FMNL2: variants seen among roughly 807,000 people sequenced by gnomAD.
The protein encoded by FMNL2 is formin like 2, also known as formin-like protein 2.
FMNL2 carries 51 observed loss-of-function variants against 130.2 expected under a neutral mutation model. The ratio of observed to expected loss-of-function variants is 0.39; its 90% CI spans 0.31 to 0.49. The LOEUF is 0.49. FMNL2 is among the 20% of genes least tolerant of loss of function. FMNL2 has a pLI of 0.85. For synonymous variants in FMNL2, 465 were observed against 467.1 expected, an observed-to-expected ratio of 1.00 and a Z score of 0.06; for missense variants, 977 against 1,316.2, an observed-to-expected ratio of 0.74 and a Z score of 3.99.
intron 4 of FMNL2, among the ~76,000 whole-genome samples, chr2:152,558,020 A>G (rs887571281): frequency 6.6e-6 from 1 of 152,202 alleles, no homozygotes; most frequent in African/African-American, 2.4e-5. Context: ...CATCAGGATT[A>G]TTATGAAGAA....
chr2:152,533,313 G>A (rs1693810645), intron 2 of FMNL2, among the ~76,000 whole-genome samples: 1 of 152,084 alleles, frequency 6.6e-6, no homozygotes, highest in African/African-American at 2.4e-5. Flanking sequence ...ATCCATCCAT[G>A]TATGCTTCTG....
chr2:152,492,951 C>T (rs186581423), intron 1 of FMNL2, among the ~76,000 whole-genome samples: 11 of 152,136 alleles, frequency 7.2e-5, no homozygotes, highest in Non-Finnish European at 1.3e-4. Flanking sequence ...TCATGGAAAC[C>T]GTCAACAAGG....
intron 2 of FMNL2, among the ~76,000 whole-genome samples, chr2:152,538,923 A>C (rs1218837279): frequency 6.6e-6 from 1 of 152,228 alleles, no homozygotes; most frequent in East Asian, 1.9e-4. Context: ...GAAGGACTTC[A>C]GATGGATTAT....
At chr2:152,642,420 G>C (rs999948095) in intron 25 of FMNL2, among the ~76,000 whole-genome samples, 2 of 152,228 alleles carry the variant, frequency 1.3e-5, no homozygotes, top group African/African-American at 4.8e-5. Context: ...GATTAAAGCA[G>C]TGTAGGTCTT....
intron 1 of FMNL2, among the ~76,000 whole-genome samples, chr2:152,359,664 A>T (rs1169842530): frequency 2.6e-5 from 4 of 152,080 alleles, no homozygotes; most frequent in Non-Finnish European, 4.4e-5. Context: ...GGTGGGAGAG[A>T]TTCTTAGTAT....
chr2:152,441,373 T>C (rs1048300755), intron 1 of FMNL2, among the ~76,000 whole-genome samples: 8 of 152,156 alleles, frequency 5.3e-5, no homozygotes, highest in Non-Finnish European at 1.0e-4. Context: ...GAACCAATTT[T>C]AGTAAAAAGG....
intron 1 of FMNL2, among the ~76,000 whole-genome samples, chr2:152,338,224 T>G (rs1029990863): frequency 4.6e-5 from 7 of 152,182 alleles, no homozygotes; most frequent in Non-Finnish European, 1.0e-4. Flanking sequence ...CTTTCTTGTA[T>G]AATAAAGATC....
In FMNL2 at chr2:152,622,051, A is replaced by C. The variant is rs116314656; in HGVS notation, c.1837+2333A>C. ...TGTATTTTATAGAGAAAATAGTAGT[A>C]GTGTGAAATATGCATTTGAAGAAGA... On this transcript the variant is annotated intron_variant, in intron 15 of 25. Transcript: ENST00000288670. Among the ~76,000 whole-genome samples, 295 of 152,304 alleles carry C rather than the reference A, an allele frequency of 1.9e-3. 1 individual carries two copies. The highest frequency in any genetic ancestry group is 6.6e-3 in the African/African-American group (275 of 41,558).
intron 4 of FMNL2, among the ~76,000 whole-genome samples, chr2:152,553,829 G>T (rs971920686): frequency 6.6e-6 from 1 of 151,992 alleles, no homozygotes; most frequent in Non-Finnish European, 1.5e-5. Flanking sequence ...GACAAAGGCT[G>T]CATTGGTTTA....
chr2:152,434,107 G>C (rs560110107), intron 1 of FMNL2, among the ~76,000 whole-genome samples: 1 of 152,288 alleles, frequency 6.6e-6, no homozygotes, highest in East Asian at 1.9e-4. Context: ...TTATTCCATT[G>C]AATTTTTTTA....
At chr2:152,614,367 C>T (rs1698834534) in intron 11 of FMNL2, among the ~76,000 whole-genome samples, 1 of 152,330 alleles carries the variant, frequency 6.6e-6, no homozygotes. Context: ...GATGATACTG[C>T]TTAGGCAGTC....
chr2:152,602,354 A>G (rs544956860), intron 9 of FMNL2, among the ~76,000 whole-genome samples: 2 of 152,312 alleles, frequency 1.3e-5, no homozygotes, highest in Admixed American at 6.5e-5. Context: ...AGTAGGGTAC[A>G]TACTTTTCCA....
intron 9 of FMNL2, among the ~76,000 whole-genome samples, chr2:152,596,258 C>T (rs933275257): frequency 3.9e-5 from 6 of 152,026 alleles, no homozygotes; most frequent in East Asian, 1.9e-4. Flanking sequence ...CCACTGAGCC[C>T]GGCTGTCTTT....
chr2:152,381,413 C>A (rs761176059), intron 1 of FMNL2, among the ~76,000 whole-genome samples: 6 of 152,176 alleles, frequency 3.9e-5, no homozygotes, highest in Non-Finnish European at 5.9e-5. Context: ...AAAGCCAGAT[C>A]TCCAGGGATG....
intron 20 of FMNL2, among the ~76,000 whole-genome samples, chr2:152,630,438 C>T (rs1682082641): frequency 6.6e-6 from 1 of 152,016 alleles, no homozygotes; most frequent in Non-Finnish European, 1.5e-5. Context: ...TTTGTAAGTA[C>T]TTTTCTATAT....
chr2:152,484,184 A>G (rs1690688449), intron 1 of FMNL2, among the ~76,000 whole-genome samples: 1 of 152,188 alleles, frequency 6.6e-6, no homozygotes, highest in Admixed American at 6.5e-5. Flanking sequence ...ACTGGTGTGC[A>G]ATTCCAGAAT....
intron 1 of FMNL2, among the ~76,000 whole-genome samples, chr2:152,457,525 C>T (rs1376271498): frequency 6.6e-6 from 1 of 152,200 alleles, no homozygotes; most frequent in African/African-American, 2.4e-5. Flanking sequence ...ACACAGACTT[C>T]AGGGTCCACA....
intron 1 of FMNL2, among the ~76,000 whole-genome samples, chr2:152,482,655 T>C (rs1690592078): frequency 6.6e-6 from 1 of 152,204 alleles, no homozygotes; most frequent in East Asian, 1.9e-4. Flanking sequence ...TAAACCATAT[T>C]TTCTCCATCT....
rs1322253380 is a variant in FMNL2, at chr2:152,561,007, T to G, written c.568T>G (p.Ser190Ala). ...GCCCTCACCTGTGGGCAACAGTGTCTCCCGCTCTGGAAGACATTCTGCACT... is the reference window on the plus strand; with the variant it reads ...GCCCTCACCTGTGGGCAACAGTGTCGCCCGCTCTGGAAGACATTCTGCACT... ...NLPSPVGNSVSRSGRHSALRY... is the reference protein window; with the variant it reads ...NLPSPVGNSVARSGRHSALRY... The change falls in exon 6 of 26, where the codon TCC (serine) becomes GCC (alanine). Residue 190 changes from serine (S) to alanine (A), a missense_variant. By Grantham distance (99) the Ser-to-Ala change is moderately conservative. This residue lies in a region of FMNL2 where 689 missense variants were observed against 995.9 expected (regional missense o/e 0.69). Transcript: ENST00000288670. The G allele has an allele frequency of 1.9e-6, 3 of 1,602,466 alleles. No individual in the cohort carries two copies. Among genetic ancestry groups the G allele is most frequent in the Non-Finnish European group, 2.6e-6 (3 of 1,174,350 alleles).
Sources: gnomAD v4.1 joint callset for allele counts (sites outside exome capture counted in the v4.1 genomes callset) on GRCh38, gnomAD v4.1.1 for gene constraint, gnomAD v4.1.1 regional missense constraint, MANE v1.5 for transcripts, NCBI Gene and HGNC (gene_info 2026-07-23, HGNC 2026-07-21) for gene names.